Variants in DIAPH3 observed in about 807,000 individuals in gnomAD.
DIAPH3 encodes protein diaphanous homolog 3.
In DIAPH3, 117 loss-of-function variants were observed where a neutral mutation model predicts 144.3. The ratio of observed to expected loss-of-function variants is 0.81; its 90% CI spans 0.70 to 0.95. The LOEUF is 0.95. DIAPH3 is among the 40% of genes least tolerant of loss of function. The pLI, the probability that DIAPH3 is intolerant of heterozygous loss-of-function variation, is 0.00. For synonymous variants in DIAPH3, 519 were observed against 488.9 expected (o/e 1.06, Z -0.81); for missense variants, 1,421 against 1,412.7 (o/e 1.01, Z -0.09).
At chr13:60,110,259 C>A (rs17057647) in intron 3 of DIAPH3, among the ~76,000 whole-genome samples, 7,410 of 152,202 alleles carry the variant, frequency 0.049, 275 homozygotes, top group African/African-American at 0.096. Context: ...AAGCAAAGAA[C>A]CTAGATGCAA....
chr13:60,048,146 C>T (rs1418485008), intron 4 of DIAPH3, among the ~76,000 whole-genome samples: 4 of 152,200 alleles, frequency 2.6e-5, no homozygotes, highest in East Asian at 1.9e-4. Context: ...CAGTAATAGG[C>T]ATGCTCATTG....
intron 2 of DIAPH3, among the ~76,000 whole-genome samples, chr13:60,118,928 C>T (rs1364199076): frequency 1.3e-5 from 2 of 152,204 alleles, no homozygotes; most frequent in African/African-American, 4.8e-5. Context: ...CAGTCTCTTC[C>T]TATGTCCTTT....
chr13:59,964,471 GT>G, intron 17 of DIAPH3, among the ~76,000 whole-genome samples: 1 of 151,960 alleles, frequency 6.6e-6, no homozygotes, highest in Non-Finnish European at 1.5e-5. Flanking sequence ...AAACAGACAT[GT>G]TTTTTGTATA....
intron 25 of DIAPH3, among the ~76,000 whole-genome samples, chr13:59,808,823 TAGAA>T (rs1299350731): frequency 6.6e-6 from 1 of 152,178 alleles, no homozygotes; most frequent in Non-Finnish European, 1.5e-5. Flanking sequence ...TAGCTACTAT[TAGAA>T]GGCAGAAAAA....
chr13:59,695,857 G>A (rs756504961), intron 27 of DIAPH3, among the ~76,000 whole-genome samples: 4 of 152,098 alleles, frequency 2.6e-5, no homozygotes, highest in Non-Finnish European at 5.9e-5. Flanking sequence ...AAAAAGATAT[G>A]CACTGGTACC....
Position 59,861,552 on chromosome 13 carries a change from G to A in DIAPH3, c.2608-16C>T, listed in dbSNP as rs942173131. 2 of 1,612,528 alleles carry A rather than the reference G, an allele frequency of 1.2e-6. No homozygotes were observed. The highest frequency in any genetic ancestry group is 1.1e-5 in the South Asian group (1 of 91,038). ...TGTCCTTTAGCTAAATAGAACAGGA[G>A]GGAGAAAAAACACAGAGTCATAAGT... On this transcript the variant is annotated splice_polypyrimidine_tract_variant and intron_variant, in intron 21 of 27. Transcript: ENST00000400324.
intron 2 of DIAPH3, among the ~76,000 whole-genome samples, chr13:60,116,703 A>G (rs1237082301): frequency 6.6e-6 from 1 of 152,088 alleles, no homozygotes; most frequent in African/African-American, 2.4e-5. Context: ...ATGTCAATAA[A>G]TGGGAATAAT....
intron 1 of DIAPH3, among the ~76,000 whole-genome samples, chr13:60,162,772 G>T (rs1194450852): frequency 1.4e-5 from 2 of 143,800 alleles, no homozygotes; most frequent in Admixed American, 7.1e-5. Flanking sequence ...CCCACATAAG[G>T]CAAATGCTGT....
chr13:59,834,576 A>C (rs537513671), intron 23 of DIAPH3, among the ~76,000 whole-genome samples: 2 of 151,766 alleles, frequency 1.3e-5, no homozygotes, highest in South Asian at 4.1e-4. Context: ...AAGACCAAGG[A>C]AAAAAGAGAC....
chr13:59,838,396 A>ATGTG (rs572819235), intron 23 of DIAPH3: 61 of 149,864 alleles, frequency 4.1e-4, no homozygotes, highest in East Asian at 3.9e-3. Context: ...TTAATTATAT[A>ATGTG]TGTGTGTGTG....
In DIAPH3 at chr13:59,988,892, CT is replaced by C. The variant is rs1437202111; in HGVS notation, c.1361+2265del. On this transcript the variant is annotated intron_variant, in intron 12 of 27. Coordinates refer to ENST00000400324, the MANE Select transcript of DIAPH3 (RefSeq NM_001042517.2). The stretch of plus-strand genomic sequence containing the variant: ...ATCTTGCTGTATTTCAGCCCCCTCC[CT>C]TTTTCCCAGGGAAAAGGGGCTGCCT... Among the ~76,000 whole-genome samples, 5 of 151,884 alleles carry C rather than the reference CT, an allele frequency of 3.3e-5. No individual in the cohort carries two copies. In the East Asian group the frequency reaches 7.8e-4, roughly 24 times the overall value.
chr13:60,088,197 G>A (rs2800304), intron 4 of DIAPH3, among the ~76,000 whole-genome samples: 1 of 151,802 alleles, frequency 6.6e-6, no homozygotes, highest in Non-Finnish European at 1.5e-5. Flanking sequence ...AAGACAACTC[G>A]CAAAGCACTG....
At chr13:59,885,078 T>C (rs1248834023) in intron 20 of DIAPH3, among the ~76,000 whole-genome samples, 1 of 152,136 alleles carries the variant, frequency 6.6e-6, no homozygotes, top group Non-Finnish European at 1.5e-5. Flanking sequence ...TGTTTATAAA[T>C]CCTTATCAAT....
chr13:59,708,681 T>C (rs547284962), intron 27 of DIAPH3, among the ~76,000 whole-genome samples: 2 of 152,230 alleles, frequency 1.3e-5, no homozygotes, highest in South Asian at 4.1e-4. Context: ...AACTCTCATA[T>C]CTACACTTAA....
chr13:60,003,660 G>A (rs1166278289), intron 9 of DIAPH3, among the ~76,000 whole-genome samples: 3 of 151,742 alleles, frequency 2.0e-5, no homozygotes, highest in Admixed American at 6.6e-5. Flanking sequence ...TGCAAGCACC[G>A]CCTCCTGGGT....
chr13:60,025,569 A>C (rs1165432246), intron 5 of DIAPH3, among the ~76,000 whole-genome samples: 1 of 151,316 alleles, frequency 6.6e-6, no homozygotes, highest in Non-Finnish European at 1.5e-5. Flanking sequence ...GACATAACAA[A>C]TCCAAAGGAA....
intron 17 of DIAPH3, among the ~76,000 whole-genome samples, chr13:59,935,825 T>C (rs1426671766): frequency 6.6e-6 from 1 of 152,174 alleles, no homozygotes; most frequent in Non-Finnish European, 1.5e-5. Context: ...GATATTTTAC[T>C]AGCAAAAAGA....
chr13:60,016,272 T>C (rs1401122915), intron 5 of DIAPH3, 127 bp from the exon 6 acceptor site: 5 of 860,070 alleles, frequency 5.8e-6, no homozygotes, highest in South Asian at 3.2e-5. Context: ...AATAACACCA[T>C]ATATAAAAAT....
chr13:59,969,919 T>G (rs187512401), intron 17 of DIAPH3, 25 bp downstream of exon 17: 44 of 1,387,040 alleles, frequency 3.2e-5, no homozygotes, highest in Non-Finnish European at 4.4e-5. Context: ...ATCAAATTAA[T>G]AAATAATCAA....
Sources: gnomAD v4.1 joint callset for allele counts (sites outside exome capture counted in the v4.1 genomes callset) on GRCh38, gnomAD v4.1.1 for gene constraint, MANE v1.5 for transcripts, NCBI Gene and HGNC (gene_info 2026-07-23, HGNC 2026-07-21) for gene names.